Variants in ACOT11 observed in about 807,000 individuals in gnomAD.
The protein encoded by ACOT11 is acyl-coenzyme A thioesterase 11.
A neutral mutation model predicts 77.5 loss-of-function variants in ACOT11; 69 were observed. The observed-to-expected ratio is 0.89, with a 90% CI of 0.73 to 1.09. The LOEUF is 1.09. Ranked by LOEUF, ACOT11 falls within the 50% of genes least tolerant of loss-of-function variation. ACOT11 has a pLI of 0.00. For missense variants in ACOT11, 766 were observed against 813.7 expected, an observed-to-expected ratio of 0.94 and a Z score of 0.71; for synonymous variants, 279 against 313.0, an observed-to-expected ratio of 0.89 and a Z score of 1.15.
At position 54,625,680 on chromosome 1, in the gene ACOT11, G is replaced by A. The variant is rs545365832; in HGVS notation, c.1630-5054G>A. ...GAGCCAGGCGCGGTGGCTCATGCCT[G>A]TAATCCCAGCACTTTGGGAGGCTGA... On this transcript the variant is annotated intron_variant, in intron 15 of 16. Transcript: ENST00000371316. Among the ~76,000 whole-genome samples the A allele has an allele frequency of 1.4e-4, 21 of 152,312 alleles. No homozygotes were observed. In the South Asian group the frequency reaches 1.5e-3, roughly 11 times the overall value.
At chr1:54,551,732 G>GTTTTGTTTTTT (rs1653076072) in intron 1 of ACOT11, among the ~76,000 whole-genome samples, 1 of 149,810 alleles carries the variant, frequency 6.7e-6, no homozygotes, top group African/African-American at 2.5e-5. Context: ...TTTTTGTTTT[G>GTTTTGTTTTTT]TTTTGTTTTT....
intron 15 of ACOT11, chr1:54,616,035 C>T (rs926276661): frequency 6.2e-7 from 1 of 1,613,870 alleles, no homozygotes; most frequent in Non-Finnish European, 8.5e-7. Flanking sequence ...TGGGAAGAGC[C>T]CAGCACAGCG....
intron 2 of ACOT11, among the ~76,000 whole-genome samples, chr1:54,585,454 C>T (rs1020324858): frequency 9.9e-5 from 15 of 152,236 alleles, no homozygotes; most frequent in Middle Eastern, 3.4e-3. Context: ...GTTGAAGGGA[C>T]GGGGGCTCCA....
chr1:54,592,298 C>T (rs188582224), intron 3 of ACOT11, among the ~76,000 whole-genome samples: 5,675 of 151,390 alleles, frequency 0.037, 355 homozygotes, highest in African/African-American at 0.13. Flanking sequence ...GATCAGGGAA[C>T]GGGGGAGCAG....
chr1:54,633,527 G>A (rs184767159), intron 16 of ACOT11, among the ~76,000 whole-genome samples: 106 of 152,270 alleles, frequency 7.0e-4, no homozygotes, highest in Non-Finnish European at 1.2e-3. Flanking sequence ...CGAACAGTTT[G>A]CATTTACAAT....
intron 1 of ACOT11, among the ~76,000 whole-genome samples, chr1:54,554,331 GTGTA>G (rs1184709266): frequency 2.7e-4 from 17 of 63,286 alleles, no homozygotes; most frequent in East Asian, 3.6e-4. Context: ...GTGTGTGTGT[GTGTA>G]TATATATATA....
chr1:54,609,725 A>T lies in ACOT11; in HGVS notation c.*613A>T, dbSNP rs1164091350. ...CCACACAGGCCAATGCAAGAGGCCAAGGCTGGAGAGGCGTGCCAGCAAGGC... is the reference window on the plus strand; with the variant it reads ...CCACACAGGCCAATGCAAGAGGCCATGGCTGGAGAGGCGTGCCAGCAAGGC... On this transcript the variant is annotated 3_prime_UTR_variant, in exon 16 of 16. Transcript: ENST00000343744. 2.5e-6 allele frequency: 4 copies of T among 1,614,024 alleles called. No individual in the cohort carries two copies. The highest frequency in any genetic ancestry group is 3.4e-6 in the Non-Finnish European group (4 of 1,180,030).
chr1:54,606,372 C>A (rs762851645), intron 13 of ACOT11, among the ~76,000 whole-genome samples: 96 of 152,286 alleles, frequency 6.3e-4, no homozygotes, highest in Non-Finnish European at 3.2e-4. Flanking sequence ...TTCCCCATAC[C>A]CTGCCTACTG....
At chr1:54,550,741 C>G (rs183408110) in intron 1 of ACOT11, among the ~76,000 whole-genome samples, 312 of 151,842 alleles carry the variant, frequency 2.1e-3, no homozygotes, top group Non-Finnish European at 2.6e-3. Context: ...ATCACTTGAG[C>G]CTGCCTGGGA....
intron 1 of ACOT11, among the ~76,000 whole-genome samples, chr1:54,556,568 T>G (rs924699094): frequency 2.0e-5 from 3 of 152,042 alleles, no homozygotes; most frequent in Non-Finnish European, 2.9e-5. Context: ...CATTAATGAT[T>G]TATAGTTTTC....
Position 54,584,550 on chromosome 1 carries a change from G to A in ACOT11, c.34-105G>A. The A allele has an allele frequency of 2.7e-6, 3 of 1,113,320 alleles. No homozygotes were observed. The highest frequency in any genetic ancestry group is 3.9e-6 in the Non-Finnish European group (3 of 774,892). The allele number at this position is 1,113,320 out of a possible 1,614,324, so 69.0% of individuals were successfully genotyped here. On this transcript the variant is annotated intron_variant, in intron 1 of 15. Transcript: ENST00000343744. This position sits in a 1 kb window ranked among gnomAD's most constrained non-coding sequence, Gnocchi z 6.3. ...GGGGTCTGGTGGGAGGTGGCCCTAG[G>A]TACTCTCTCTCCCCCAGACCCTAAG...
downstream of ACOT11, chr1:54,611,571 C>T (rs2101014670): frequency 6.2e-7 from 1 of 1,610,564 alleles, no homozygotes; most frequent in South Asian, 1.1e-5. Context: ...ATGCAGAATC[C>T]AGCCCACACC....
At chr1:54,606,842 A>G (rs1433770288) in intron 13 of ACOT11, among the ~76,000 whole-genome samples, 1 of 152,246 alleles carries the variant, frequency 6.6e-6, no homozygotes, top group Non-Finnish European at 1.5e-5. Flanking sequence ...GTGCCTGTGC[A>G]CATATGACCA....
intron 1 of ACOT11, among the ~76,000 whole-genome samples, chr1:54,556,457 T>C (rs200397583): frequency 6.6e-6 from 1 of 152,250 alleles, no homozygotes; most frequent in African/African-American, 2.4e-5. Flanking sequence ...AGGGATTGCA[T>C]TGAATCTGTA....
At chr1:54,605,238 T>C in intron 13 of ACOT11, 29 bp downstream of exon 13, 1 of 1,606,882 alleles carries the variant, frequency 6.2e-7, no homozygotes, top group African/African-American at 1.3e-5. Flanking sequence ...GGCAGGGCAG[T>C]GTCCCTTCTC....
chr1:54,599,423 T>C lies in ACOT11; in HGVS notation c.884+8T>C. 1 of 1,597,528 alleles carries C rather than the reference T, an allele frequency of 6.3e-7. No individual in the cohort carries two copies. The highest frequency in any genetic ancestry group is 8.5e-7 in the Non-Finnish European group (1 of 1,170,656). On this transcript the variant is annotated splice_region_variant and intron_variant, in intron 8 of 15. Coordinates refer to ENST00000343744, the MANE Select transcript of ACOT11 (RefSeq NM_147161.4). ...CAATGCCTTCAAACATAGGTGAGGG[T>C]CTGGGATGGGTGCGGCCACGTCCAT...
At chr1:54,581,408 C>T (rs1654300783) in intron 1 of ACOT11, among the ~76,000 whole-genome samples, 1 of 152,140 alleles carries the variant, frequency 6.6e-6, no homozygotes, top group Non-Finnish European at 1.5e-5. Context: ...TATATTGGCC[C>T]CCGCAGCTGG....
rs2101012470 is a variant in ACOT11, at chr1:54,609,922, C to CCTCG, written c.*810_*811insCTCG. On this transcript the variant is annotated 3_prime_UTR_variant, in exon 16 of 16. Transcript: ENST00000343744. ...CAGTTCCCTCGAGGCCAGTGTTCAG[C>CCTCG]AGGATCATGCCTTCTGTGTCTGGAA... 1 of 1,606,526 alleles carries CCTCG rather than the reference C, an allele frequency of 6.2e-7. No individual in the cohort carries two copies. The highest frequency in any genetic ancestry group is 1.3e-5 in the African/African-American group (1 of 75,036).
At chr1:54,569,824 A>G (rs1227384073) in intron 1 of ACOT11, among the ~76,000 whole-genome samples, 1 of 152,108 alleles carries the variant, frequency 6.6e-6, no homozygotes, top group Non-Finnish European at 1.5e-5. Flanking sequence ...AGTCTTTTTC[A>G]TTTTCATCTG....
Sources: gnomAD v4.1 joint callset for allele counts (sites outside exome capture counted in the v4.1 genomes callset) on GRCh38, gnomAD v4.1.1 for gene constraint, Gnocchi (gnomAD v3.1) non-coding constraint, MANE v1.5 for transcripts, NCBI Gene and HGNC (gene_info 2026-07-23, HGNC 2026-07-21) for gene names.